CNTN6: variants seen among roughly 807,000 people sequenced by gnomAD.
CNTN6 encodes the protein contactin-6.
Under a neutral mutation model 122.8 loss-of-function variants are expected in CNTN6, and 137 were observed. That is an observed-to-expected ratio of 1.12 (90% CI 0.97 to 1.29). The LOEUF is 1.29. CNTN6 is among the 50% of genes most tolerant of loss of function. The probability of loss-of-function intolerance (pLI) is 0.00; values close to 1 mark genes in which losing one functional copy is unlikely to be tolerated. For synonymous variants in CNTN6, 570 were observed against 426.0 expected (o/e 1.34, Z -4.16); for missense variants, 1,634 against 1,223.4 (o/e 1.34, Z -5.01).
chr3:1,343,974 GA>G (rs1220008440), intron 11 of CNTN6, among the ~76,000 whole-genome samples: 1 of 152,026 alleles, frequency 6.6e-6, no homozygotes, highest in African/African-American at 2.4e-5. Flanking sequence ...TATCTAAAAA[GA>G]AAATTAAAAG....
intron 19 of CNTN6, among the ~76,000 whole-genome samples, chr3:1,385,059 T>G (rs1239463917): frequency 6.6e-6 from 1 of 152,080 alleles, no homozygotes; most frequent in African/African-American, 2.4e-5. Context: ...TTCTGTGACT[T>G]ATTTTCACAT....
intron 2 of CNTN6, among the ~76,000 whole-genome samples, chr3:1,162,425 G>T (rs914848569): frequency 6.6e-6 from 1 of 152,104 alleles, no homozygotes; most frequent in African/African-American, 2.4e-5. Flanking sequence ...CTTCTTCTTC[G>T]TAAAAGTCTT....
At chr3:1,307,764 T>A (rs1301546052) in intron 7 of CNTN6, among the ~76,000 whole-genome samples, 2 of 152,128 alleles carry the variant, frequency 1.3e-5, no homozygotes, top group Non-Finnish European at 2.9e-5. Flanking sequence ...GCTGCCCCTC[T>A]GTTAGAATGT....
At chr3:1,260,230 T>C (rs1366841584) in intron 4 of CNTN6, among the ~76,000 whole-genome samples, 1 of 151,768 alleles carries the variant, frequency 6.6e-6, no homozygotes, top group Non-Finnish European at 1.5e-5. Flanking sequence ...AAACACAGAA[T>C]ATCAAAAACA....
intron 1 of CNTN6, among the ~76,000 whole-genome samples, chr3:1,118,838 G>C (rs965256548): frequency 3.3e-5 from 5 of 151,824 alleles, no homozygotes; most frequent in Non-Finnish European, 7.4e-5. Flanking sequence ...TAATAAGATG[G>C]CTGCTTTCCA....
chr3:1,093,154 T>C (rs1214677794), intron 1 of CNTN6, 34 bp downstream of exon 1: 2 of 236,028 alleles, frequency 8.5e-6, no homozygotes, highest in Non-Finnish European at 1.7e-5. Context: ...GTGCTGTGTC[T>C]GCTGCAATGA....
intron 4 of CNTN6, among the ~76,000 whole-genome samples, chr3:1,240,782 G>A (rs992529319): frequency 6.6e-6 from 1 of 152,110 alleles, no homozygotes; most frequent in African/African-American, 2.4e-5. Context: ...GACTTTGTGT[G>A]AGCAACATGG....
At chr3:1,102,307 T>C (rs1376874236) in intron 1 of CNTN6, among the ~76,000 whole-genome samples, 1 of 152,216 alleles carries the variant, frequency 6.6e-6, no homozygotes, top group Admixed American at 6.5e-5. Flanking sequence ...ATAGAGCTTT[T>C]AGTGAAAGAA....
chr3:1,386,059 C>T (rs1164620916), intron 20 of CNTN6, among the ~76,000 whole-genome samples: 1 of 152,120 alleles, frequency 6.6e-6, no homozygotes, highest in Non-Finnish European at 1.5e-5. Flanking sequence ...TAAGACTGGC[C>T]CTGACGCCCT....
intron 2 of CNTN6, among the ~76,000 whole-genome samples, chr3:1,183,381 A>AT (rs1363153840): frequency 6.6e-6 from 1 of 152,096 alleles, no homozygotes; most frequent in Non-Finnish European, 1.5e-5. Flanking sequence ...TATAACTAAA[A>AT]TTTTAAATTT....
chr3:1,287,345 A>G (rs1182234575), intron 5 of CNTN6, among the ~76,000 whole-genome samples: 2 of 152,098 alleles, frequency 1.3e-5, no homozygotes, highest in Non-Finnish European at 2.9e-5. Context: ...TTGTGGGAAA[A>G]TTTGTCTCCA....
chr3:1,301,023 A>ATTTTTT (rs1697292843), intron 7 of CNTN6, among the ~76,000 whole-genome samples: 1 of 116,442 alleles, frequency 8.6e-6, no homozygotes, highest in Non-Finnish European at 1.8e-5. Context: ...GAGTCCCTAA[A>ATTTTTT]CTTTTTTTTT....
At chr3:1,164,264 C>A (rs1432800341) in intron 2 of CNTN6, among the ~76,000 whole-genome samples, 1 of 152,242 alleles carries the variant, frequency 6.6e-6, no homozygotes. Flanking sequence ...ACAAACGCTT[C>A]CCCTTCACAT....
chr3:1,393,523 G>A (rs1428352410), intron 20 of CNTN6, among the ~76,000 whole-genome samples: 11 of 142,656 alleles, frequency 7.7e-5, no homozygotes, highest in South Asian at 6.9e-4. Flanking sequence ...TAACCTGCAC[G>A]TTGTGCACAT....
At chr3:1,323,240 A>G (rs1265398120) in intron 8 of CNTN6, among the ~76,000 whole-genome samples, 2 of 151,918 alleles carry the variant, frequency 1.3e-5, no homozygotes, top group Admixed American at 6.6e-5. Context: ...CAGTGATACT[A>G]TAGGCAAAAA....
rs139956042 is a variant in CNTN6, at chr3:1,153,761, G to A, written c.55+5698G>A. On this transcript the variant is annotated intron_variant, in intron 2 of 22. Transcript: ENST00000446702. ...AACTACCTGAGAGAGAAAACCAGAA[G>A]AATGAAAATATTCACTATGACCAAG... is the stretch of plus-strand genomic sequence containing the variant. Among the ~76,000 whole-genome samples the A allele has an allele frequency of 3.1e-3, 472 of 152,246 alleles. 9 individuals carry two copies. The highest frequency in any genetic ancestry group is 1.4e-3 in the Non-Finnish European group (98 of 68,010).
chr3:1,292,877 A>T (rs1695559012), intron 5 of CNTN6, among the ~76,000 whole-genome samples: 1 of 152,112 alleles, frequency 6.6e-6, no homozygotes, highest in Non-Finnish European at 1.5e-5. Context: ...CAGGTTTTTA[A>T]ATGTAAGAAT....
At chr3:1,180,775 C>A (rs1444461323) in intron 2 of CNTN6, among the ~76,000 whole-genome samples, 1 of 152,186 alleles carries the variant, frequency 6.6e-6, no homozygotes, top group Non-Finnish European at 1.5e-5. Flanking sequence ...CACCTGCACA[C>A]ATTTATATGG....
At chr3:1,211,684 G>A (rs903133685) in intron 2 of CNTN6, among the ~76,000 whole-genome samples, 1 of 151,146 alleles carries the variant, frequency 6.6e-6, no homozygotes, top group African/African-American at 2.4e-5. Flanking sequence ...CTCAATTTCT[G>A]CCTTTGTGTA....
Sources: gnomAD v4.1 joint callset for allele counts (sites outside exome capture counted in the v4.1 genomes callset) on GRCh38, gnomAD v4.1.1 for gene constraint, MANE v1.5 for transcripts, NCBI Gene and HGNC (gene_info 2026-07-23, HGNC 2026-07-21) for gene names.